Variants in SRCIN1 observed in about 807,000 individuals in gnomAD.
The protein encoded by SRCIN1 is P130Cas-associated protein.
Under a neutral mutation model 116.2 loss-of-function variants are expected in SRCIN1, and 50 were observed. The ratio of observed to expected loss-of-function variants is 0.43; its 90% CI spans 0.34 to 0.54. The LOEUF is 0.54. SRCIN1 is among the 20% of genes least tolerant of loss of function. The pLI, the probability that SRCIN1 is intolerant of heterozygous loss-of-function variation, is 0.02. For synonymous variants in SRCIN1, 736 were observed against 750.0 expected (o/e 0.98, Z 0.30); for missense variants, 1,446 against 1,672.0 (o/e 0.86, Z 2.36).
chr17:38,569,265 G>A (rs1012953505), intron 2 of SRCIN1, among the ~76,000 whole-genome samples: 1 of 152,230 alleles, frequency 6.6e-6, no homozygotes, highest in Non-Finnish European at 1.5e-5. Context: ...GAGCTGCCCT[G>A]GGGCCGGGTT....
intron 11 of SRCIN1, among the ~76,000 whole-genome samples, chr17:38,556,202 T>A (rs1199557358): frequency 6.6e-6 from 1 of 152,186 alleles, no homozygotes; most frequent in Non-Finnish European, 1.5e-5. Flanking sequence ...AAATGTTACC[T>A]CTAGTTTAAA....
At chr17:38,582,939 G>A (rs1410037094) in intron 1 of SRCIN1, among the ~76,000 whole-genome samples, 1 of 152,042 alleles carries the variant, frequency 6.6e-6, no homozygotes, top group Non-Finnish European at 1.5e-5. Flanking sequence ...CTCCTGGGGG[G>A]GCTCTGAAGA....
intron 11 of SRCIN1, among the ~76,000 whole-genome samples, chr17:38,555,947 T>C (rs1285268211): frequency 6.6e-6 from 1 of 152,176 alleles, no homozygotes; most frequent in Non-Finnish European, 1.5e-5. Flanking sequence ...CTGCAATTCT[T>C]AGGCAGGAGA....
Position 38,548,672 on chromosome 17 carries a change from T to G in SRCIN1, c.3155A>C (p.Gln1052Pro), listed in dbSNP as rs768184846. Residue 1052 changes from glutamine to proline, a missense_variant, in exon 17 of 19, where the codon CAG becomes CCG. Around this residue, in one of 5 missense-constraint regions of SRCIN1, gnomAD observed 531 missense variants for 633.9 expected, o/e 0.84. Coordinates refer to ENST00000617146, the MANE Select transcript of SRCIN1 (RefSeq NM_025248.3). Reference sequence around the variant, plus strand: ...AGACACAGCCCGGCGCAGCTTCACCTGGGGCTTCTGCACCTCCAGCTCCTC... The same window carrying G: ...AGACACAGCCCGGCGCAGCTTCACCGGGGGCTTCTGCACCTCCAGCTCCTC... The part of the protein sequence containing the change: ...ESEELEVQKP[Q>P]VKLRRAVSEV... 1 of 1,611,220 alleles carries G rather than the reference T, an allele frequency of 6.2e-7. No individual in the cohort carries two copies. Among genetic ancestry groups the G allele is most frequent in the Admixed American group, 1.7e-5 (1 of 59,812 alleles).
intron 18 of SRCIN1, chr17:38,543,223 C>A: frequency 2.2e-6 from 1 of 456,702 alleles, no homozygotes; most frequent in Non-Finnish European, 4.4e-6. Flanking sequence ...CCCCACCCAA[C>A]CTTGCAAAGA....
At chr17:38,548,951 C>G in intron 16 of SRCIN1, 105 bp downstream of exon 16, 1 of 1,361,006 alleles carries the variant, frequency 7.3e-7, no homozygotes, top group Non-Finnish European at 9.8e-7. Flanking sequence ...CTTCCATGTT[C>G]TCTGAGAAAG....
Position 38,563,464 on chromosome 17 carries a change from AC to A in SRCIN1, c.598del (p.Val200SerfsTer175). 6.4e-7 allele frequency: 1 copy of A among 1,557,370 alleles called. No homozygotes were observed. The highest frequency in any genetic ancestry group is 8.7e-7 in the Non-Finnish European group (1 of 1,150,066). ...ETRRVHITHEVSSLDTLHALI... is the reference protein window; with the variant it reads ...ETRRVHITHEXSSLDTLHALI... Reference sequence around the variant, plus strand: ...TGCGTGCAGCGTGTCCAGGCTGCTGACCTCGTGCGTGATGTGCACGCGCCGA... The same window carrying A: ...TGCGTGCAGCGTGTCCAGGCTGCTGACTCGTGCGTGATGTGCACGCGCCGA... On this transcript the variant is annotated frameshift_variant, in exon 5 of 19. Coordinates refer to ENST00000617146, the MANE Select transcript of SRCIN1 (RefSeq NM_025248.3). LOFTEE classifies it high-confidence loss of function. This position sits in a 1 kb window ranked among gnomAD's most constrained non-coding sequence, Gnocchi z 5.8.
At chr17:38,606,778 T>G (rs1200894553), upstream of SRCIN1, among the ~76,000 whole-genome samples, 2 of 152,046 alleles carry the variant, frequency 1.3e-5, no homozygotes, top group African/African-American at 4.8e-5. This position sits in a 1 kb window ranked among gnomAD's most constrained non-coding sequence, Gnocchi z 5.2. Context: ...CTCCGCAGAC[T>G]TCTCCAGCGC....
At chr17:38,603,822 C>T (rs1909202064) in intron 1 of SRCIN1, among the ~76,000 whole-genome samples, 1 of 152,102 alleles carries the variant, frequency 6.6e-6, no homozygotes, top group South Asian at 2.1e-4. Flanking sequence ...CTACCCCAGG[C>T]CACCAGCTAA....
At chr17:38,605,580 C>T in intron 1 of SRCIN1, 104 bp downstream of exon 1, 1 of 956,188 alleles carries the variant, frequency 1.0e-6, no homozygotes, top group Non-Finnish European at 1.4e-6. Flanking sequence ...CCGGCCCGGC[C>T]GCCGCCCCCG....
At chr17:38,586,922 G>C (rs1211898212) in intron 1 of SRCIN1, among the ~76,000 whole-genome samples, 2 of 151,976 alleles carry the variant, frequency 1.3e-5, no homozygotes, top group Admixed American at 1.3e-4. Context: ...CTGGGCCCTG[G>C]CTGCTACTGG....
At position 38,572,999 on chromosome 17, in the gene SRCIN1, C is replaced by G. The variant is rs950890465; in HGVS notation, c.325-4768G>C. On this transcript the variant is annotated intron_variant, in intron 2 of 18. Transcript: ENST00000617146. The surrounding 1 kb of genome is among the most constrained non-coding windows in gnomAD (Gnocchi z 4.3). ...CGGCGGAGGCTGGTGGCTGCGTCGC[C>G]GCGGTCACCCGATACGCCGGCCTGG... Among the ~76,000 whole-genome samples, 20 of 152,136 alleles carry G rather than the reference C, an allele frequency of 1.3e-4. No individual in the cohort carries two copies. In the South Asian group the frequency reaches 1.5e-3, roughly 11 times the overall value.
At chr17:38,575,104 C>T (rs956395407) in intron 2 of SRCIN1, 19 of 397,910 alleles carry the variant, frequency 4.8e-5, no homozygotes, top group East Asian at 2.8e-4. Flanking sequence ...AGGGGTCTAG[C>T]GATGCTGGCA....
At chr17:38,556,952 T>C (rs1597898789) in intron 11 of SRCIN1, among the ~76,000 whole-genome samples, 3 of 152,326 alleles carry the variant, frequency 2.0e-5, no homozygotes, top group East Asian at 3.9e-4. Context: ...TCCTCTGGGC[T>C]GAATGAAAAG....
At chr17:38,580,967 C>G (rs566679263) in intron 1 of SRCIN1, among the ~76,000 whole-genome samples, 4 of 152,254 alleles carry the variant, frequency 2.6e-5, no homozygotes, top group South Asian at 4.1e-4. Flanking sequence ...TCCCAAGTAG[C>G]TGGAATTACA....
chr17:38,598,526 G>A (rs760449566), intron 1 of SRCIN1, among the ~76,000 whole-genome samples: 2 of 152,114 alleles, frequency 1.3e-5, no homozygotes, highest in Non-Finnish European at 2.9e-5. Flanking sequence ...TATAAGCTGA[G>A]TCTGGGGGCC....
intron 15 of SRCIN1, among the ~76,000 whole-genome samples, chr17:38,550,242 C>G (rs1373245558): frequency 3.3e-5 from 5 of 152,188 alleles, no homozygotes; most frequent in Non-Finnish European, 7.3e-5. Flanking sequence ...AGTCTGTAAT[C>G]CCAGCACTTT....
Position 38,561,596 on chromosome 17 carries a change from G to T in SRCIN1, c.1567C>A (p.Pro523Thr), listed in dbSNP as rs1470463980. 1 of 1,597,146 alleles carries T rather than the reference G, an allele frequency of 6.3e-7. No individual in the cohort carries two copies. Among genetic ancestry groups the T allele is most frequent in the Non-Finnish European group, 8.5e-7 (1 of 1,172,654 alleles). The change falls in exon 7 of 19, where the codon CCT (proline) becomes ACT (threonine). Residue 523 changes from proline (P) to threonine (T), a missense_variant. Around this residue, in one of 5 missense-constraint regions of SRCIN1, gnomAD observed 398 missense variants for 385.6 expected, o/e 1.03. Transcript: ENST00000617146. ...SGSSSVFAES[P>T]GGKTRSAGSA... is the part of the protein sequence containing the mutation. ...CCCGCGCTGCGGGTCTTCCCTCCAG[G>T]ACTCTCGGCAAAGACGGACGAGGAG...
chr17:38,543,676 G>T, intron 18 of SRCIN1, 147 bp downstream of exon 18: 2 of 1,169,704 alleles, frequency 1.7e-6, no homozygotes, highest in Non-Finnish European at 2.3e-6. Context: ...TTCAGGGGGT[G>T]GGTGGGGCAG....
Sources: allele counts gnomAD v4.1 joint callset (sites outside exome capture counted in the v4.1 genomes callset), GRCh38; gene constraint gnomAD v4.1.1; regional missense constraint gnomAD v4.1.1; non-coding constraint Gnocchi (gnomAD v3.1); transcripts MANE v1.5; gene names NCBI Gene and HGNC (gene_info 2026-07-23, HGNC 2026-07-21).